The following EPB41L4A variants were observed in gnomAD, a reference collection of about 807,000 sequenced individuals.
EPB41L4A encodes the protein band 4.1-like protein 4A.
A neutral mutation model predicts 108.6 loss-of-function variants in EPB41L4A; 100 were observed. That is an observed-to-expected ratio of 0.92 (90% CI 0.78 to 1.09). The LOEUF is 1.09. Among genes scored for constraint, EPB41L4A ranks in the 50% least tolerant of loss-of-function variants. The probability of loss-of-function intolerance (pLI) is 0.00; values close to 1 mark genes in which losing one functional copy is unlikely to be tolerated. For missense variants in EPB41L4A, 1,030 were observed against 842.7 expected (o/e 1.22, Z -2.75); for synonymous variants, 319 against 289.0 (o/e 1.10, Z -1.05).
At chr5:112,282,620 A>G (rs1753039567) in intron 2 of EPB41L4A, among the ~76,000 whole-genome samples, 1 of 152,134 alleles carries the variant, frequency 6.6e-6, no homozygotes, top group Non-Finnish European at 1.5e-5. Context: ...ACAGTAAGGG[A>G]GAGGGCTTAT....
chr5:112,158,398 T>C (rs1383577258), downstream of EPB41L4A: 2 of 433,806 alleles, frequency 4.6e-6, no homozygotes, highest in Admixed American at 2.5e-5. Flanking sequence ...GTGTAGTTAT[T>C]ACCTTTAAAT....
chr5:112,365,011 T>C (rs2112505370), intron 1 of EPB41L4A, among the ~76,000 whole-genome samples: 1 of 152,286 alleles, frequency 6.6e-6, no homozygotes, highest in African/African-American at 2.4e-5. Flanking sequence ...AGATACCTAT[T>C]TCTCAGTTGC....
In EPB41L4A at chr5:112,246,356, T is replaced by C. The variant is rs140729617; in HGVS notation, c.796-5546A>G. Among the ~76,000 whole-genome samples, 441 of 152,278 alleles carry C rather than the reference T, an allele frequency of 2.9e-3. 1 individual carries two copies. The highest frequency in any genetic ancestry group is 0.01 in the African/African-American group (421 of 41,562). Reference sequence around the variant, plus strand: ...ATAAATACTTACCATAGTGTTCCAATTGCCTGCAGTATTCAGTACAGTAAC... The same window carrying C: ...ATAAATACTTACCATAGTGTTCCAACTGCCTGCAGTATTCAGTACAGTAAC... On this transcript the variant is annotated intron_variant, in intron 9 of 22. Transcript: ENST00000261486.
chr5:112,336,454 T>C (rs1044894286), intron 1 of EPB41L4A, among the ~76,000 whole-genome samples: 1 of 152,140 alleles, frequency 6.6e-6, no homozygotes, highest in African/African-American at 2.4e-5. Context: ...GATTTCCTCA[T>C]CCCGCCAACC....
intron 9 of EPB41L4A, among the ~76,000 whole-genome samples, chr5:112,241,436 T>G (rs1749777536): frequency 6.6e-6 from 1 of 152,206 alleles, no homozygotes; most frequent in Admixed American, 6.5e-5. Flanking sequence ...CAGTAGTTAT[T>G]TGATTCTCTA....
At chr5:112,375,811 T>C (rs532542184) in intron 1 of EPB41L4A, among the ~76,000 whole-genome samples, 1 of 152,228 alleles carries the variant, frequency 6.6e-6, no homozygotes, top group South Asian at 2.1e-4. Flanking sequence ...TCACTGTAAT[T>C]TGCCTTTGGA....
At chr5:112,178,722 T>C (rs1760997808) in intron 18 of EPB41L4A, among the ~76,000 whole-genome samples, 2 of 151,944 alleles carry the variant, frequency 1.3e-5, no homozygotes, top group South Asian at 2.1e-4. Flanking sequence ...TTTTGAACTG[T>C]ATGATAACAA....
intron 2 of EPB41L4A, among the ~76,000 whole-genome samples, chr5:112,305,608 G>C (rs1393677100): frequency 6.6e-6 from 1 of 152,006 alleles, no homozygotes; most frequent in Non-Finnish European, 1.5e-5. Flanking sequence ...CTGTTACCAA[G>C]ATGAAGTACA....
At chr5:112,226,981 G>GAAA (rs35333803) in intron 12 of EPB41L4A, among the ~76,000 whole-genome samples, 9 of 139,448 alleles carry the variant, frequency 6.5e-5, no homozygotes, top group Non-Finnish European at 6.1e-5. Flanking sequence ...TTACCACAAT[G>GAAA]AAAAAAAAAA....
intron 11 of EPB41L4A, among the ~76,000 whole-genome samples, chr5:112,235,571 T>G (rs1042129973): frequency 2.6e-5 from 4 of 152,166 alleles, no homozygotes; most frequent in African/African-American, 4.8e-5. Flanking sequence ...AGGAAAAAAG[T>G]CTTTTAATGG....
At chr5:112,251,130 T>A (rs1418186633) in intron 9 of EPB41L4A, among the ~76,000 whole-genome samples, 3 of 152,136 alleles carry the variant, frequency 2.0e-5, no homozygotes, top group Non-Finnish European at 4.4e-5. Context: ...TTAAGAATAG[T>A]TGGGAAAATA....
intron 18 of EPB41L4A, among the ~76,000 whole-genome samples, chr5:112,171,790 G>A (rs575047638): frequency 6.6e-6 from 1 of 152,276 alleles, no homozygotes; most frequent in South Asian, 2.1e-4. Context: ...TTTCTTCATA[G>A]TGAGAAAATA....
At chr5:112,201,145 C>T (rs6884477) in intron 15 of EPB41L4A, among the ~76,000 whole-genome samples, 52,540 of 152,006 alleles carry the variant, frequency 0.35, 9,140 homozygotes, top group Admixed American at 0.38. Flanking sequence ...TGGGAAGAAA[C>T]AGAGAAGAAT....
chr5:112,330,756 T>TA (rs544029271), intron 1 of EPB41L4A, among the ~76,000 whole-genome samples: 136 of 144,030 alleles, frequency 9.4e-4, no homozygotes, highest in Middle Eastern at 3.6e-3. Flanking sequence ...GGTATAGGTT[T>TA]AAAAAAAAAA....
At position 112,204,474 on chromosome 5, in the gene EPB41L4A, G is replaced by A; in HGVS notation, c.1277C>T (p.Ser426Phe). The A allele has an allele frequency of 1.2e-6, 2 of 1,611,774 alleles. No individual in the cohort carries two copies. Among genetic ancestry groups the A allele is most frequent in the South Asian group, 1.1e-5 (1 of 91,028 alleles). Residue 426 changes from serine to phenylalanine, a missense_variant, in exon 15 of 23, where the codon TCT becomes TTT. Ser to Phe is a radical substitution (Grantham distance 155, BLOSUM62 -2). Transcript: ENST00000261486. ...TGGCGACTTAGTGCGATCACTGGGA[G>A]AATTGTAGAGTCCACTGGAGAGAAA... ...ENGPQSGLYN[S>F]PSDRTKSPKF... is the part of the protein sequence containing the mutation.
intron 1 of EPB41L4A, among the ~76,000 whole-genome samples, chr5:112,387,694 T>C (rs978871735): frequency 1.3e-5 from 2 of 152,238 alleles, no homozygotes; most frequent in African/African-American, 2.4e-5. Context: ...TGCAAAGTAA[T>C]ATTTACAGCT....
intron 3 of EPB41L4A, among the ~76,000 whole-genome samples, chr5:112,276,739 G>A (rs1473858416): frequency 6.6e-6 from 1 of 152,036 alleles, no homozygotes; most frequent in African/African-American, 2.4e-5. Flanking sequence ...CAAGAATAAA[G>A]GTATCATGTA....
chr5:112,170,300 C>G lies in EPB41L4A; in HGVS notation c.1739+1G>C. On this transcript the variant is annotated splice_donor_variant, in intron 20 of 22. Coordinates refer to ENST00000261486, the MANE Select transcript of EPB41L4A (RefSeq NM_022140.5). LOFTEE classifies it high-confidence loss of function. ...GTGAGAAGATTCTGAAAGGCACTCA[C>G]TCTATTTTAGTGTATGGAATCTCTT... is the stretch of plus-strand genomic sequence containing the variant. The G allele has an allele frequency of 1.2e-6, 2 of 1,612,886 alleles. No individual in the cohort carries two copies. Among genetic ancestry groups the G allele is most frequent in the Non-Finnish European group, 1.7e-6 (2 of 1,179,460 alleles).
rs1484463666 is a variant in EPB41L4A at position 112,418,835 on chromosome 5, G to C, written c.99+106C>G. 5 of 790,162 alleles carry C rather than the reference G, an allele frequency of 6.3e-6. No individual in the cohort carries two copies. In the African/African-American group the frequency reaches 8.6e-5, roughly 14 times the overall value. 48.9% of individuals were successfully genotyped at this position (790,162 alleles called of 1,614,324 possible). A position where few individuals can be genotyped will look rare whatever the true frequency, so the allele number is the denominator to read the frequency against. Reference sequence around the variant, plus strand: ...AGCGGCCTCTCCTCCCCACCGCGCAGAGTCGCGGCCGCCGCCCTCGACCCA... The same window carrying C: ...AGCGGCCTCTCCTCCCCACCGCGCACAGTCGCGGCCGCCGCCCTCGACCCA... On this transcript the variant is annotated intron_variant, in intron 1 of 22. Coordinates refer to ENST00000261486, the MANE Select transcript of EPB41L4A (RefSeq NM_022140.5).
Sources: gnomAD v4.1 joint callset for allele counts (sites outside exome capture counted in the v4.1 genomes callset) on GRCh38, gnomAD v4.1.1 for gene constraint, MANE v1.5 for transcripts, NCBI Gene and HGNC (gene_info 2026-07-23, HGNC 2026-07-21) for gene names.